Variants in MARCHF1 observed in about 807,000 individuals in gnomAD.
The protein encoded by MARCHF1 is membrane associated ring-CH-type finger 1.
Under a neutral mutation model 54.2 loss-of-function variants are expected in MARCHF1, and 40 were observed. The observed-to-expected ratio is 0.74, with a 90% confidence interval of 0.57 to 0.96. MARCHF1 has a LOEUF of 0.96. Among genes scored for constraint, MARCHF1 ranks in the 40% least tolerant of loss-of-function variants. The pLI is 0.00. For missense variants in MARCHF1, 586 were observed against 656.5 expected, an observed-to-expected ratio of 0.89 and a Z score of 1.17; for synonymous variants, 236 against 236.3, an observed-to-expected ratio of 1.00 and a Z score of 0.01.
chr4:163,608,813 A>G (rs1447408050), intron 7 of MARCHF1, among the ~76,000 whole-genome samples: 4 of 151,976 alleles, frequency 2.6e-5, no homozygotes, highest in Non-Finnish European at 4.4e-5. Context: ...TGCTCCTTCT[A>G]TGCATGTCTG....
chr4:164,001,867 A>G (rs1753192656), intron 2 of MARCHF1, among the ~76,000 whole-genome samples: 1 of 151,760 alleles, frequency 6.6e-6, no homozygotes, highest in African/African-American at 2.4e-5. Context: ...ATGAAGGGAA[A>G]CTCCACAAAT....
At chr4:164,081,627 A>G (rs912907298) in intron 2 of MARCHF1, among the ~76,000 whole-genome samples, 9 of 152,092 alleles carry the variant, frequency 5.9e-5, no homozygotes, top group African/African-American at 1.9e-4. Flanking sequence ...GTGTGAAAAA[A>G]GGAAAAAATG....
At chr4:163,578,501 G>A (rs909501797) in intron 8 of MARCHF1, among the ~76,000 whole-genome samples, 5 of 151,946 alleles carry the variant, frequency 3.3e-5, no homozygotes, top group South Asian at 4.1e-4. Flanking sequence ...ATCCTGCTCC[G>A]TATTCCCAAT....
chr4:164,007,644 C>CTGTG (rs1390093838), intron 2 of MARCHF1, among the ~76,000 whole-genome samples: 13 of 101,668 alleles, frequency 1.3e-4, no homozygotes, highest in African/African-American at 5.1e-4. Context: ...CTCTCTCTCT[C>CTGTG]TCTGTGTGTG....
chr4:164,082,151 T>G (rs553580787), intron 2 of MARCHF1, among the ~76,000 whole-genome samples: 2 of 152,356 alleles, frequency 1.3e-5, no homozygotes, highest in Admixed American at 6.5e-5. Flanking sequence ...ACATGTTCAC[T>G]GTAAATATCA....
At chr4:164,083,667 G>A (rs1358604805) in intron 2 of MARCHF1, among the ~76,000 whole-genome samples, 1 of 152,086 alleles carries the variant, frequency 6.6e-6, no homozygotes, top group Non-Finnish European at 1.5e-5. Flanking sequence ...CTGCATCTTG[G>A]TTAGATCTTT....
chr4:164,282,208 C>A (rs539771639), intron 1 of MARCHF1, among the ~76,000 whole-genome samples: 8 of 150,898 alleles, frequency 5.3e-5, no homozygotes, highest in Admixed American at 2.7e-4. Context: ...TCATTTGACT[C>A]CTTTCTGTAT....
At chr4:163,707,921 C>T (rs1193257124) in intron 4 of MARCHF1, among the ~76,000 whole-genome samples, 1 of 151,796 alleles carries the variant, frequency 6.6e-6, no homozygotes, top group Non-Finnish European at 1.5e-5. Context: ...TTCTGTTGTG[C>T]CATCTGACTC....
chr4:163,801,966 G>A (rs1209338628), intron 4 of MARCHF1, among the ~76,000 whole-genome samples: 3 of 151,952 alleles, frequency 2.0e-5, no homozygotes, highest in Non-Finnish European at 4.4e-5. Context: ...TTGGGGGTGG[G>A]GAACGCTAAA....
At chr4:164,357,186 G>A (rs1730581924) in intron 1 of MARCHF1, among the ~76,000 whole-genome samples, 1 of 151,898 alleles carries the variant, frequency 6.6e-6, no homozygotes, top group South Asian at 2.1e-4. Flanking sequence ...ACAATTCTAG[G>A]GGTTCAGAAG....
chr4:164,041,266 C>T (rs1754122685), intron 2 of MARCHF1, among the ~76,000 whole-genome samples: 1 of 152,146 alleles, frequency 6.6e-6, no homozygotes, highest in Non-Finnish European at 1.5e-5. Flanking sequence ...GCCTATCCTA[C>T]TCACCAGAAC....
chr4:164,183,530 T>C (rs1028213835), intron 1 of MARCHF1, among the ~76,000 whole-genome samples: 1 of 152,240 alleles, frequency 6.6e-6, no homozygotes, highest in South Asian at 2.1e-4. Context: ...TTTCTTAATT[T>C]TGAATTCCAG....
At chr4:164,325,771 AC>A (rs1374389976) in intron 1 of MARCHF1, among the ~76,000 whole-genome samples, 1 of 152,052 alleles carries the variant, frequency 6.6e-6, no homozygotes, top group East Asian at 1.9e-4. Context: ...AAGAAAGAAA[AC>A]CTAAATTGTA....
intron 4 of MARCHF1, among the ~76,000 whole-genome samples, chr4:163,737,955 C>CTAAGTGTCTTTTAATTAGGTA: frequency 6.6e-6 from 1 of 151,512 alleles, no homozygotes; most frequent in Admixed American, 6.6e-5. Flanking sequence ...AAGACACATG[C>CTAAGTGTCTTTTAATTAGGTA]ACACGTATGT....
At chr4:164,265,053 T>A (rs541168254) in intron 1 of MARCHF1, among the ~76,000 whole-genome samples, 1 of 152,180 alleles carries the variant, frequency 6.6e-6, no homozygotes, top group Non-Finnish European at 1.5e-5. Context: ...TGAAAAATTA[T>A]TGATTCATAC....
At chr4:164,005,517 A>G (rs1053695472) in intron 2 of MARCHF1, among the ~76,000 whole-genome samples, 4 of 152,148 alleles carry the variant, frequency 2.6e-5, no homozygotes, top group African/African-American at 4.8e-5. Flanking sequence ...CAACAAGTGC[A>G]TGGTAATCTT....
intron 4 of MARCHF1, among the ~76,000 whole-genome samples, chr4:163,834,620 A>C (rs1410543846): frequency 9.1e-6 from 1 of 110,120 alleles, no homozygotes; most frequent in Admixed American, 1.3e-4. Context: ...ACCCCACAAC[A>C]GTCCCCAGAG....
chr4:163,912,380 C>T (rs1388078470), intron 3 of MARCHF1, among the ~76,000 whole-genome samples: 2 of 152,126 alleles, frequency 1.3e-5, no homozygotes. Flanking sequence ...TATGTAATTA[C>T]TCCCTAAAGA....
chr4:164,254,497 T>C (rs1733216373), intron 1 of MARCHF1, among the ~76,000 whole-genome samples: 1 of 151,458 alleles, frequency 6.6e-6, no homozygotes, highest in Admixed American at 6.6e-5. Context: ...TATATATATG[T>C]GTATACATAT....
Sources: allele counts gnomAD v4.1 joint callset (sites outside exome capture counted in the v4.1 genomes callset), GRCh38; gene constraint gnomAD v4.1.1; transcripts MANE v1.5; gene names NCBI Gene and HGNC (gene_info 2026-07-23, HGNC 2026-07-21).